COX7A2: variants seen among roughly 807,000 people sequenced by gnomAD.
The protein encoded by COX7A2 is cytochrome c oxidase subunit 7A2, mitochondrial.
COX7A2 carries 11 observed loss-of-function variants against 11.6 expected under a neutral mutation model. That is an observed-to-expected ratio of 0.95 (90% CI 0.60 to 1.57). The LOEUF is 1.57. COX7A2 is among the 40% of genes most tolerant of loss of function. COX7A2 has a pLI of 0.00. For missense variants in COX7A2, 106 were observed against 100.9 expected (o/e 1.05, Z -0.22); for synonymous variants, 30 against 38.2 (o/e 0.78, Z 0.79).
upstream of COX7A2, among the ~76,000 whole-genome samples, chr6:75,245,361 G>A (rs1771659145): frequency 6.6e-6 from 1 of 152,188 alleles, no homozygotes; most frequent in South Asian, 2.1e-4. Flanking sequence ...CGTGGTGGCG[G>A]GCGCCTGTAG....
At chr6:75,244,695 T>C (rs1201978990), upstream of COX7A2, among the ~76,000 whole-genome samples, 1 of 152,216 alleles carries the variant, frequency 6.6e-6, no homozygotes, top group African/African-American at 2.4e-5. Context: ...TTGATTGCCA[T>C]TTCAAATAAG....
At chr6:75,245,365 C>T (rs1042605681), upstream of COX7A2, among the ~76,000 whole-genome samples, 7 of 152,062 alleles carry the variant, frequency 4.6e-5, no homozygotes, top group African/African-American at 1.7e-4. Flanking sequence ...GTGGCGGGCG[C>T]CTGTAGTCCC....
chr6:75,245,359 C>T (rs945195294), upstream of COX7A2, among the ~76,000 whole-genome samples: 1 of 152,054 alleles, frequency 6.6e-6, no homozygotes, highest in Non-Finnish European at 1.5e-5. Context: ...GGCGTGGTGG[C>T]GGGCGCCTGT....
chr6:75,241,021 A>G, intron 2 of COX7A2, 155 bp downstream of exon 2: 1 of 894,370 alleles, frequency 1.1e-6, no homozygotes, highest in African/African-American at 1.7e-5. Flanking sequence ...CCCAAGAGAC[A>G]ACCACTATTA....
upstream of COX7A2, among the ~76,000 whole-genome samples, chr6:75,248,343 C>T: frequency 8.1e-6 from 1 of 123,666 alleles, no homozygotes; most frequent in Non-Finnish European, 1.7e-5. Flanking sequence ...CCGCCTCGGC[C>T]TCCCAAAGTG....
intron 3 of COX7A2, among the ~76,000 whole-genome samples, chr6:75,238,855 G>A (rs1227306294): frequency 4.7e-5 from 7 of 150,030 alleles, no homozygotes; most frequent in African/African-American, 1.7e-4. Context: ...TCCCTCTGTC[G>A]CCCAGGCTGG....
At chr6:75,249,740 G>A (rs1223910820) in intron 1 of COX7A2, among the ~76,000 whole-genome samples, 2 of 152,208 alleles carry the variant, frequency 1.3e-5, no homozygotes, top group Non-Finnish European at 2.9e-5. Context: ...GTGGAAGGCT[G>A]ATTTCAGTGA....
intron 1 of COX7A2, 82 bp downstream of exon 1, chr6:75,243,635 G>A (rs367782297): frequency 1.5e-6 from 2 of 1,371,806 alleles, no homozygotes; most frequent in African/African-American, 2.9e-5. Context: ...CCCCTCCCAG[G>A]TGAGGGTTTT....
At chr6:75,244,026 T>C (rs1771624219), upstream of COX7A2, 1 of 516,266 alleles carries the variant, frequency 1.9e-6, no homozygotes, top group African/African-American at 1.9e-5. Flanking sequence ...AAGCAAACGA[T>C]TTATGAGACG....
chr6:75,240,258 C>T (rs187541079), intron 3 of COX7A2, 43 bp downstream of exon 3: 57 of 1,383,162 alleles, frequency 4.1e-5, no homozygotes, highest in Middle Eastern at 1.8e-4. Flanking sequence ...GTTATCATTA[C>T]TATTACTTTT....
chr6:75,245,854 T>A (rs1022715251), upstream of COX7A2, among the ~76,000 whole-genome samples: 6 of 152,202 alleles, frequency 3.9e-5, no homozygotes, highest in Non-Finnish European at 4.4e-5. Context: ...CCTCACCATA[T>A]ACTTTTACTT....
chr6:75,240,550 TCTA>T (rs1362080353), intron 2 of COX7A2, 165 bp from the exon 3 acceptor site: 23 of 526,124 alleles, frequency 4.4e-5, no homozygotes, highest in Admixed American at 1.9e-4. Flanking sequence ...TTATTCCGTC[TCTA>T]CTACTACTAC....
upstream of COX7A2, chr6:75,243,855 C>G (rs1176291834): frequency 6.2e-7 from 1 of 1,604,692 alleles, no homozygotes; most frequent in Admixed American, 1.7e-5. Flanking sequence ...CTTTCCGGGC[C>G]GAAGAGAGGC....
chr6:75,240,492 G>C, intron 2 of COX7A2, 107 bp from the exon 3 acceptor site: 1 of 673,356 alleles, frequency 1.5e-6, no homozygotes, highest in Non-Finnish European at 2.4e-6. Flanking sequence ...TAAATCCCTA[G>C]AATTAAAGTA....
upstream of COX7A2, among the ~76,000 whole-genome samples, chr6:75,247,526 A>G (rs1426606039): frequency 2.0e-5 from 3 of 152,210 alleles, no homozygotes; most frequent in Non-Finnish European, 4.4e-5. Context: ...AACAGTTGCT[A>G]TCTTAGTTGC....
intron 1 of COX7A2, chr6:75,250,049 G>A (rs1299534096): frequency 6.6e-6 from 1 of 152,214 alleles, no homozygotes; most frequent in Non-Finnish European, 1.5e-5. Flanking sequence ...TAGGGTTTCT[G>A]GCTTACCTCA....
At position 75,240,317 on chromosome 6, in the gene COX7A2, C is replaced by T; in HGVS notation, c.177G>A (p.Met59Ile). 1 of 1,609,060 alleles carries T rather than the reference C, an allele frequency of 6.2e-7. No homozygotes were observed. The highest frequency in any genetic ancestry group is 8.5e-7 in the Non-Finnish European group (1 of 1,177,936). ...AGGCCTTACCACCAACTGTAAGAAT[C>T]ATGGTGGCTCTATACAGGAGGGCAT... is the stretch of plus-strand genomic sequence containing the variant. The part of the protein sequence containing the change: ...VADALLYRAT[M>I]ILTVGGTAYA... The change falls in exon 3 of 4, where the codon ATG (methionine) becomes ATA (isoleucine). Residue 59 changes from methionine (M) to isoleucine (I), a missense_variant. Met to Ile is a conservative substitution (Grantham distance 10, BLOSUM62 1). Transcript: ENST00000684430.
At chr6:75,238,841 A>G (rs975529611) in intron 3 of COX7A2, among the ~76,000 whole-genome samples, 2 of 149,468 alleles carry the variant, frequency 1.3e-5, no homozygotes, top group African/African-American at 4.9e-5. Flanking sequence ...TTTGAGATGG[A>G]GTCTCCCTCT....
chr6:75,242,873 AC>A (rs199979201), intron 1 of COX7A2, among the ~76,000 whole-genome samples: 8 of 151,962 alleles, frequency 5.3e-5, no homozygotes, highest in African/African-American at 1.5e-4. Context: ...AACAACAACA[AC>A]AAAAAAAACC....
Sources: gnomAD v4.1 joint callset for allele counts (sites outside exome capture counted in the v4.1 genomes callset) on GRCh38, gnomAD v4.1.1 for gene constraint, MANE v1.5 for transcripts, NCBI Gene and HGNC (gene_info 2026-07-23, HGNC 2026-07-21) for gene names.